Variants in ATAD2 observed in about 807,000 individuals in gnomAD.
The protein encoded by ATAD2 is ATPase family AAA domain containing 2.
In ATAD2, 62 loss-of-function variants were observed where a neutral mutation model predicts 168.9. The observed-to-expected ratio is 0.37, with a 90% CI of 0.30 to 0.45. ATAD2 has a LOEUF of 0.45. Ranked by LOEUF, ATAD2 falls within the 20% of genes least tolerant of loss-of-function variation. The pLI is 1.00. For synonymous variants in ATAD2, 613 were observed against 571.6 expected, an observed-to-expected ratio of 1.07 and a Z score of -1.03; for missense variants, 1,419 against 1,667.8, an observed-to-expected ratio of 0.85 and a Z score of 2.60.
At chr8:123,364,968 G>A (rs760209768) in intron 8 of ATAD2, among the ~76,000 whole-genome samples, 4 of 152,044 alleles carry the variant, frequency 2.6e-5, no homozygotes, top group African/African-American at 4.8e-5. Context: ...ATCCAAATCA[G>A]TAAAAAGGAA....
chr8:123,346,041 C>T, intron 18 of ATAD2, 45 bp downstream of exon 18: 1 of 1,366,446 alleles, frequency 7.3e-7, no homozygotes, highest in African/African-American at 1.5e-5. Flanking sequence ...TAGCTTTTGC[C>T]TCTGAAAGCC....
chr8:123,396,513 G>T (rs1179242299), upstream of ATAD2: 5 of 728,280 alleles, frequency 6.9e-6, no homozygotes, highest in African/African-American at 1.8e-5. Context: ...CGTCTGTCCC[G>T]CCCACGCCAC....
intron 1 of ATAD2, among the ~76,000 whole-genome samples, chr8:123,412,802 G>A (rs1375511209): frequency 6.6e-6 from 1 of 152,090 alleles, no homozygotes; most frequent in African/African-American, 2.4e-5. Context: ...CCAAATCCCT[G>A]CACTAACAGA....
intron 2 of ATAD2, among the ~76,000 whole-genome samples, chr8:123,378,890 C>T (rs1829406951): frequency 6.6e-6 from 1 of 151,662 alleles, no homozygotes; most frequent in African/African-American, 2.4e-5. Flanking sequence ...CTCCCCAGCT[C>T]AAGTGATCCT....
intron 18 of ATAD2, among the ~76,000 whole-genome samples, chr8:123,345,538 G>A (rs1563841348): frequency 6.6e-6 from 1 of 150,810 alleles, no homozygotes; most frequent in East Asian, 1.9e-4. Flanking sequence ...TTAGCTGGGT[G>A]TGGCGGCATG....
At chr8:123,395,933 C>G (rs1374395568) in intron 1 of ATAD2, among the ~76,000 whole-genome samples, 1 of 152,200 alleles carries the variant, frequency 6.6e-6, no homozygotes, top group Non-Finnish European at 1.5e-5. Flanking sequence ...TCCGCTGTGG[C>G]GGGCTTCGAT....
rs1336918108 is a variant in ATAD2, at chr8:123,402,461, C to T, written c.-2281-1286G>A. Among the ~76,000 whole-genome samples the T allele has an allele frequency of 6.6e-6, 1 of 152,166 alleles. No individual in the cohort carries two copies. ...CTCCTGTAGGGCACTTCCCTGCCCC[C>T]AGTCCCCCAGGAAATGGTGCTCTCC... On this transcript the variant is annotated intron_variant, in intron 1 of 28. Transcript: ENST00000521903. This position sits in a 1 kb window ranked among gnomAD's most constrained non-coding sequence, Gnocchi z 4.8.
chr8:123,377,464 T>C (rs759103418), intron 2 of ATAD2, among the ~76,000 whole-genome samples: 5 of 152,162 alleles, frequency 3.3e-5, no homozygotes, highest in Admixed American at 6.5e-5. Flanking sequence ...CTTTTAAAGG[T>C]AAAAACAGGA....
chr8:123,353,517 G>T (rs759363409), intron 13 of ATAD2, among the ~76,000 whole-genome samples: 1 of 152,072 alleles, frequency 6.6e-6, no homozygotes, highest in Non-Finnish European at 1.5e-5. Context: ...TTCAGCCAGT[G>T]AGAGATCCCT....
At position 123,347,213 on chromosome 8, in the gene ATAD2, A is replaced by G. The variant is rs748103473; in HGVS notation, c.2091T>C (p.Pro697=). ...TCACAACGGTGGACAGTGCCTGCCC[A>G]GGTGATGTCACAGCTCTTTGGGAGG... ...IPASQRAVTS[P]GQALSTVVKP... The change falls in exon 16 of 28, where the codon CCT becomes CCC. Residue 697 remains proline, a synonymous_variant. Transcript: ENST00000287394. 1 of 1,614,208 alleles carries G rather than the reference A, an allele frequency of 6.2e-7. No individual in the cohort carries two copies. The highest frequency in any genetic ancestry group is 1.1e-5 in the South Asian group (1 of 91,092).
intron 1 of ATAD2, among the ~76,000 whole-genome samples, chr8:123,393,201 AG>A (rs1407725391): frequency 0.022 from 3,272 of 150,744 alleles, 122 homozygotes; most frequent in African/African-American, 0.077. Flanking sequence ...AAAAAAAAAA[AG>A]ATTCACTGCA....
upstream of ATAD2, chr8:123,400,501 C>G: frequency 2.6e-6 from 1 of 385,420 alleles, no homozygotes; most frequent in Admixed American, 3.6e-5. This position sits in a 1 kb window ranked among gnomAD's most constrained non-coding sequence, Gnocchi z 4.5. Context: ...GAGACCCAGT[C>G]TCAAAAAAAT....
rs768313214 is a variant in ATAD2, at chr8:123,369,927, A to ATCATCATCATCATCATCG, written c.807_824dup (p.Asp272_Asp277dup). On this transcript the variant is annotated inframe_insertion, in exon 7 of 28. Coordinates refer to ENST00000287394, the MANE Select transcript of ATAD2 (RefSeq NM_014109.4). Reference sequence around the variant, plus strand: ...CTTCATCTTCATCATCTTCATCATCATCATCATCATCATCATCGTCATCAT... The same window carrying ATCATCATCATCATCATCG: ...CTTCATCTTCATCATCTTCATCATCATCATCATCATCATCATCGTCATCATCATCATCATCGTCATCAT... The ATCATCATCATCATCATCG allele has an allele frequency of 1.3e-6, 2 of 1,564,850 alleles. No individual in the cohort carries two copies. Among genetic ancestry groups the ATCATCATCATCATCATCG allele is most frequent in the Admixed American group, 1.7e-5 (1 of 59,220 alleles).
At chr8:123,371,171 A>T in intron 5 of ATAD2, 65 bp downstream of exon 5, 1 of 1,300,120 alleles carries the variant, frequency 7.7e-7, no homozygotes, top group African/African-American at 1.5e-5. Flanking sequence ...TGAAAAATGG[A>T]TTAGGTACTA....
chr8:123,321,951 T>A (rs1340264951), intron 27 of ATAD2, among the ~76,000 whole-genome samples: 2 of 151,690 alleles, frequency 1.3e-5, no homozygotes, highest in Non-Finnish European at 1.5e-5. Context: ...ATTAACACTA[T>A]AATACCTACT....
intron 15 of ATAD2, chr8:123,347,980 A>G (rs199821628): frequency 2.1e-5 from 13 of 617,710 alleles, no homozygotes; most frequent in Non-Finnish European, 3.4e-5. Context: ...CCAAGACTTC[A>G]TGAGAAGAAA....
chr8:123,409,794 G>C (rs2130045981), intron 1 of ATAD2, among the ~76,000 whole-genome samples: 1 of 151,980 alleles, frequency 6.6e-6, no homozygotes, highest in East Asian at 2.0e-4. Flanking sequence ...AAATTAGCCG[G>C]GTGTCGTGGC....
rs71310669 is a variant in ATAD2, at chr8:123,389,133, A to ATTT, written c.171+7051_171+7053dup. On this transcript the variant is annotated intron_variant, in intron 1 of 27. Transcript: ENST00000287394. ...AGGAGCCTGCTACCACGCCCGGCTA[A>ATTT]TTTTTTTTTTTTTTTTGTATTTTTA... Among the ~76,000 whole-genome samples, 172 of 129,558 alleles carry ATTT rather than the reference A, an allele frequency of 1.3e-3. 4 individuals are homozygous for ATTT. The Middle Eastern group carries it at 0.018, about 13-fold the overall frequency. 85.0% of individuals were successfully genotyped at this position (129,558 alleles called of 152,430 possible).
At chr8:123,359,358 T>C (rs1828741939) in intron 10 of ATAD2, 22 bp from the exon 11 acceptor site, 2 of 1,538,894 alleles carry the variant, frequency 1.3e-6, no homozygotes, top group African/African-American at 1.4e-5. Flanking sequence ...AGCGAACATG[T>C]ACATTTTTAG....
Sources: gnomAD v4.1 joint callset for allele counts (sites outside exome capture counted in the v4.1 genomes callset) on GRCh38, gnomAD v4.1.1 for gene constraint, Gnocchi (gnomAD v3.1) non-coding constraint, MANE v1.5 for transcripts, NCBI Gene and HGNC (gene_info 2026-07-23, HGNC 2026-07-21) for gene names.